CDK14: variants seen among roughly 807,000 people sequenced by gnomAD.
The protein encoded by CDK14 is cyclin-dependent kinase 14.
CDK14 carries 34 observed loss-of-function variants against 60.7 expected under a neutral mutation model. The observed-to-expected ratio is 0.56, with a 90% CI of 0.43 to 0.75. CDK14 has a LOEUF of 0.75. Among genes scored for constraint, CDK14 ranks in the 30% least tolerant of loss-of-function variants. The pLI, the probability that CDK14 is intolerant of heterozygous loss-of-function variation, is 0.00. For synonymous variants in CDK14, 197 were observed against 203.7 expected, an observed-to-expected ratio of 0.97 and a Z score of 0.28; for missense variants, 482 against 564.1, an observed-to-expected ratio of 0.85 and a Z score of 1.47.
chr7:90,804,681 T>G (rs1486674047), intron 5 of CDK14, among the ~76,000 whole-genome samples: 1 of 152,142 alleles, frequency 6.6e-6, no homozygotes, highest in African/African-American at 2.4e-5. Flanking sequence ...GTTTTCTTTT[T>G]TATATTAATA....
chr7:90,623,320 G>A (rs1799812041), intron 2 of CDK14, among the ~76,000 whole-genome samples: 1 of 152,024 alleles, frequency 6.6e-6, no homozygotes, highest in Non-Finnish European at 1.5e-5. Flanking sequence ...CCAATAATTA[G>A]ACATCTTTTA....
intron 11 of CDK14, among the ~76,000 whole-genome samples, chr7:91,055,523 G>A (rs1039763148): frequency 1.1e-4 from 16 of 152,194 alleles, no homozygotes; most frequent in African/African-American, 3.9e-4. Context: ...AAGTTCTACT[G>A]ATAGCAGACT....
chr7:90,835,358 G>T (rs1790060042), intron 5 of CDK14, among the ~76,000 whole-genome samples: 1 of 152,020 alleles, frequency 6.6e-6, no homozygotes, highest in South Asian at 2.1e-4. Context: ...GTGCTCTAGG[G>T]TATGTTTAAA....
At chr7:91,145,812 C>G (rs1287353850) in intron 14 of CDK14, among the ~76,000 whole-genome samples, 1 of 152,166 alleles carries the variant, frequency 6.6e-6, no homozygotes, top group Non-Finnish European at 1.5e-5. Flanking sequence ...TTAAATTTGT[C>G]ACTAGATGCT....
intron 3 of CDK14, among the ~76,000 whole-genome samples, chr7:90,743,493 T>C (rs1184605210): frequency 6.6e-6 from 1 of 152,160 alleles, no homozygotes; most frequent in East Asian, 1.9e-4. Flanking sequence ...AATATAAATA[T>C]TTGAATACAT....
intron 10 of CDK14, among the ~76,000 whole-genome samples, chr7:91,000,892 T>C (rs965678672): frequency 3.3e-5 from 5 of 152,234 alleles, no homozygotes; most frequent in Admixed American, 3.3e-4. Flanking sequence ...TCTAAATGCC[T>C]TTATTCATAT....
intron 5 of CDK14, among the ~76,000 whole-genome samples, chr7:90,821,689 A>G (rs771447911): frequency 2.6e-5 from 4 of 152,178 alleles, no homozygotes; most frequent in Non-Finnish European, 4.4e-5. Flanking sequence ...CACTGTCAAC[A>G]TTTCACTTTC....
At chr7:90,971,462 T>C (rs1794930047) in intron 9 of CDK14, among the ~76,000 whole-genome samples, 1 of 152,090 alleles carries the variant, frequency 6.6e-6, no homozygotes, top group Non-Finnish European at 1.5e-5. Flanking sequence ...TTGAAGGACG[T>C]GTACATCATG....
intron 10 of CDK14, among the ~76,000 whole-genome samples, chr7:90,995,410 C>G (rs1236898986): frequency 2.0e-5 from 3 of 152,128 alleles, no homozygotes; most frequent in Non-Finnish European, 2.9e-5. Flanking sequence ...AAAGACTGAG[C>G]CAAAGGCACC....
intron 11 of CDK14, among the ~76,000 whole-genome samples, chr7:91,069,234 CTTATAA>C (rs1798065621): frequency 1.3e-5 from 2 of 152,100 alleles, no homozygotes; most frequent in South Asian, 4.1e-4. Context: ...CCTTTAAAAA[CTTATAA>C]TTAAAAGCAG....
chr7:90,931,991 G>A (rs920679153), intron 8 of CDK14, among the ~76,000 whole-genome samples: 15 of 152,078 alleles, frequency 9.9e-5, no homozygotes, highest in Admixed American at 2.0e-4. Context: ...TTTACAAGAC[G>A]GAAAAATTAG....
intron 6 of CDK14, among the ~76,000 whole-genome samples, chr7:90,887,181 C>T (rs1409711910): frequency 6.6e-6 from 1 of 152,098 alleles, no homozygotes; most frequent in Non-Finnish European, 1.5e-5. Context: ...GTATATTTTA[C>T]TACTCTTCAT....
chr7:90,629,598 A>G (rs984091287), intron 2 of CDK14, among the ~76,000 whole-genome samples: 5 of 152,222 alleles, frequency 3.3e-5, no homozygotes, highest in African/African-American at 1.2e-4. Flanking sequence ...GGCAGGGGTT[A>G]AAGGGTGCCA....
intron 1 of CDK14, among the ~76,000 whole-genome samples, chr7:90,602,115 T>G (rs545841643): frequency 6.6e-6 from 1 of 152,158 alleles, no homozygotes; most frequent in Non-Finnish European, 1.5e-5. Context: ...TGGGGTAGTG[T>G]CAACTGTAGT....
intron 10 of CDK14, among the ~76,000 whole-genome samples, chr7:91,011,933 T>C (rs1039334666): frequency 1.3e-5 from 2 of 152,178 alleles, no homozygotes; most frequent in Admixed American, 6.5e-5. Context: ...ATTCAGTTGA[T>C]TTTTCTTCTC....
At chr7:90,725,365 C>G (rs1240785681) in intron 2 of CDK14, among the ~76,000 whole-genome samples, 1 of 152,092 alleles carries the variant, frequency 6.6e-6, no homozygotes. Context: ...GCATCTGTGT[C>G]TGTATTTATA....
At chr7:90,812,657 A>G (rs1309723693) in intron 5 of CDK14, among the ~76,000 whole-genome samples, 2 of 152,172 alleles carry the variant, frequency 1.3e-5, no homozygotes, top group East Asian at 3.9e-4. Context: ...TAATAAGACC[A>G]TGCAATGGTT....
At chr7:90,874,904 G>T (rs1463512781) in intron 6 of CDK14, among the ~76,000 whole-genome samples, 1 of 152,036 alleles carries the variant, frequency 6.6e-6, no homozygotes, top group Non-Finnish European at 1.5e-5. Context: ...CTTTTTAAAA[G>T]TACACAATTC....
chr7:90,976,158 C>A (rs1795066693), intron 9 of CDK14, among the ~76,000 whole-genome samples: 1 of 152,088 alleles, frequency 6.6e-6, no homozygotes, highest in Non-Finnish European at 1.5e-5. Context: ...TATAAGAGTT[C>A]CCTTTTCTCC....
Sources: gnomAD v4.1 joint callset for allele counts (sites outside exome capture counted in the v4.1 genomes callset) on GRCh38, gnomAD v4.1.1 for gene constraint, MANE v1.5 for transcripts, NCBI Gene and HGNC (gene_info 2026-07-23, HGNC 2026-07-21) for gene names.